DPP10: variants seen among roughly 807,000 people sequenced by gnomAD.
DPP10 encodes dipeptidyl peptidase like 10, also known as inactive dipeptidyl peptidase 10.
Under a neutral mutation model 120.9 loss-of-function variants are expected in DPP10, and 33 were observed. That is an observed-to-expected ratio of 0.27 (90% CI 0.21 to 0.37). DPP10 has a LOEUF of 0.37. DPP10 is among the 10% of genes least tolerant of loss of function. The pLI, the probability that DPP10 is intolerant of heterozygous loss-of-function variation, is 1.00. For synonymous variants in DPP10, 337 were observed against 326.1 expected (o/e 1.03, Z -0.36); for missense variants, 816 against 942.8 (o/e 0.87, Z 1.76).
rs556944067 is a variant in DPP10, at chr2:114,614,216, C to T, written c.60+171378C>T. On this transcript the variant is annotated intron_variant, in intron 1 of 25. Coordinates refer to ENST00000410059, the MANE Select transcript of DPP10 (RefSeq NM_020868.6). ...CTTCACCAGACTGATTTATCTACTC[C>T]ACATCACCGGATTTTTGCAGGTCTT... Among the ~76,000 whole-genome samples, 40 of 152,242 alleles carry T rather than the reference C, an allele frequency of 2.6e-4. 1 individual carries two copies. Among genetic ancestry groups the T allele is most frequent in the Middle Eastern group, 3.4e-3 (1 of 292 alleles).
At chr2:114,803,224 T>C (rs1418588548) in intron 1 of DPP10, among the ~76,000 whole-genome samples, 2 of 152,212 alleles carry the variant, frequency 1.3e-5, no homozygotes, top group Non-Finnish European at 2.9e-5. Context: ...CCTACCACCA[T>C]GATTCTGAGA....
chr2:114,920,586 G>A (rs754544559), intron 1 of DPP10, among the ~76,000 whole-genome samples: 1 of 152,238 alleles, frequency 6.6e-6, no homozygotes, highest in Non-Finnish European at 1.5e-5. Flanking sequence ...AGATAAAAGA[G>A]TGAAAGTGTG....
intron 3 of DPP10, among the ~76,000 whole-genome samples, chr2:115,386,508 T>A (rs1458703099): frequency 6.6e-6 from 1 of 151,346 alleles, no homozygotes; most frequent in Non-Finnish European, 1.5e-5. Flanking sequence ...AGAAAAGGAT[T>A]TTGAGCTTCT....
At chr2:115,646,080 A>C (rs771201423) in intron 5 of DPP10, among the ~76,000 whole-genome samples, 15 of 151,994 alleles carry the variant, frequency 9.9e-5, no homozygotes, top group Non-Finnish European at 1.9e-4. Flanking sequence ...ATGCACATAC[A>C]CATGCACACA....
At chr2:114,851,004 T>C (rs1328812922) in intron 1 of DPP10, among the ~76,000 whole-genome samples, 2 of 152,154 alleles carry the variant, frequency 1.3e-5, no homozygotes, top group South Asian at 4.1e-4. Flanking sequence ...GAACAAGAAA[T>C]GTTTATATGA....
chr2:115,010,413 A>T (rs977190695), intron 1 of DPP10, among the ~76,000 whole-genome samples: 1 of 152,208 alleles, frequency 6.6e-6, no homozygotes, highest in Admixed American at 6.5e-5. Flanking sequence ...CACATAAATG[A>T]TGTATTTTTA....
At chr2:114,862,345 T>C (rs1689876254) in intron 1 of DPP10, among the ~76,000 whole-genome samples, 1 of 152,128 alleles carries the variant, frequency 6.6e-6, no homozygotes, top group African/African-American at 2.4e-5. Context: ...TTTTCTACCC[T>C]AAGATTCTGA....
At chr2:115,369,450 C>T (rs1352883239) in intron 3 of DPP10, among the ~76,000 whole-genome samples, 1 of 151,976 alleles carries the variant, frequency 6.6e-6, no homozygotes, top group Admixed American at 6.6e-5. Context: ...GTTATGATTA[C>T]TTAAATATCA....
intron 1 of DPP10, among the ~76,000 whole-genome samples, chr2:114,823,578 G>T (rs1686282342): frequency 6.6e-6 from 1 of 152,168 alleles, no homozygotes; most frequent in Non-Finnish European, 1.5e-5. Context: ...GGAGATTAGA[G>T]CTGCGGAGTA....
At chr2:114,565,942 C>T (rs1002251933) in intron 1 of DPP10, among the ~76,000 whole-genome samples, 1 of 152,140 alleles carries the variant, frequency 6.6e-6, no homozygotes, top group African/African-American at 2.4e-5. Context: ...GTGTTCCAGA[C>T]ACTATTCTGG....
intron 3 of DPP10, among the ~76,000 whole-genome samples, chr2:115,483,919 T>G (rs1574979188): frequency 1.3e-5 from 2 of 152,050 alleles, no homozygotes; most frequent in East Asian, 3.9e-4. Flanking sequence ...AAAATAAATC[T>G]CTGACTACAC....
intron 1 of DPP10, among the ~76,000 whole-genome samples, chr2:114,648,951 G>T (rs996450323): frequency 2.0e-5 from 3 of 152,174 alleles, no homozygotes; most frequent in Non-Finnish European, 2.9e-5. Flanking sequence ...CTGTAGACGT[G>T]CAAGTATGAT....
intron 5 of DPP10, chr2:115,580,229 G>T (rs2081935591): frequency 6.6e-6 from 1 of 152,150 alleles, no homozygotes; most frequent in Admixed American, 6.6e-5. Flanking sequence ...GGAAGTATTG[G>T]TACTTTGTCC....
intron 3 of DPP10, among the ~76,000 whole-genome samples, chr2:115,425,894 AAGCAAG>A (rs2070412250): frequency 6.6e-6 from 1 of 152,162 alleles, no homozygotes; most frequent in Non-Finnish European, 1.5e-5. Context: ...CACATGGGAA[AAGCAAG>A]AGCAAGGAAG....
At chr2:115,459,619 C>G (rs2073858819) in intron 3 of DPP10, among the ~76,000 whole-genome samples, 2 of 152,002 alleles carry the variant, frequency 1.3e-5, no homozygotes, top group South Asian at 4.2e-4. Flanking sequence ...TGACCACCAG[C>G]TCTCTCCTTA....
chr2:115,483,766 C>G (rs1032154706), intron 3 of DPP10, among the ~76,000 whole-genome samples: 2 of 152,030 alleles, frequency 1.3e-5, no homozygotes, highest in African/African-American at 4.8e-5. Context: ...CCGACTGCTC[C>G]TTGGCCAATC....
chr2:115,642,286 T>A (rs2086848309), intron 5 of DPP10, among the ~76,000 whole-genome samples: 1 of 152,058 alleles, frequency 6.6e-6, no homozygotes, highest in African/African-American at 2.4e-5. Flanking sequence ...TCTGGATGTC[T>A]CTGTGACAGT....
At position 114,944,259 on chromosome 2, in the gene DPP10, C is replaced by T. The variant is rs540838365; in HGVS notation, c.61-364980C>T. Among the ~76,000 whole-genome samples, 15 of 152,222 alleles carry T rather than the reference C, an allele frequency of 9.9e-5. No individual in the cohort carries two copies. In the South Asian group the frequency reaches 2.1e-3, roughly 21 times the overall value. ...ATATTTCACATTTATAGACCCTACA[C>T]TATTAATAATATGATTCATTATTAC... On this transcript the variant is annotated intron_variant, in intron 1 of 25. Coordinates refer to ENST00000410059, the MANE Select transcript of DPP10 (RefSeq NM_020868.6).
At chr2:115,103,816 G>T (rs2104635852) in intron 1 of DPP10, among the ~76,000 whole-genome samples, 1 of 152,230 alleles carries the variant, frequency 6.6e-6, no homozygotes, top group African/African-American at 2.4e-5. Flanking sequence ...AAATTAGTTT[G>T]CTTTGCTCTG....
Sources: allele counts gnomAD v4.1 joint callset (sites outside exome capture counted in the v4.1 genomes callset), GRCh38; gene constraint gnomAD v4.1.1; transcripts MANE v1.5; gene names NCBI Gene and HGNC (gene_info 2026-07-23, HGNC 2026-07-21).